The following CRY2 variants were observed in gnomAD, a reference collection of about 807,000 sequenced individuals.
CRY2 encodes the protein cryptochrome circadian regulator 2, also known as cryptochrome-2.
Under a neutral mutation model 69.5 loss-of-function variants are expected in CRY2, and 31 were observed. That is an observed-to-expected ratio of 0.45 (90% CI 0.34 to 0.60). The LOEUF (loss-of-function observed/expected upper bound fraction) is 0.60, where lower values mean the gene tolerates loss of function less well. Ranked by LOEUF, CRY2 falls within the 20% of genes least tolerant of loss-of-function variation. The probability of loss-of-function intolerance (pLI) is 0.02; values close to 1 mark genes in which losing one functional copy is unlikely to be tolerated. For synonymous variants in CRY2, 303 were observed against 312.2 expected (o/e 0.97, Z 0.31); for missense variants, 606 against 797.8 (o/e 0.76, Z 2.90).
intron 10 of CRY2, among the ~76,000 whole-genome samples, chr11:45,871,664 C>A (rs1445415179): frequency 6.6e-6 from 1 of 152,206 alleles, no homozygotes; most frequent in Non-Finnish European, 1.5e-5. Flanking sequence ...AGATGAGTAA[C>A]ATGAGATGGG....
At chr11:45,872,472 G>A (rs2086393626) in intron 11 of CRY2, among the ~76,000 whole-genome samples, 1 of 152,100 alleles carries the variant, frequency 6.6e-6, no homozygotes, top group African/African-American at 2.4e-5. Flanking sequence ...CGGCTATGGT[G>A]GCTCATGTAT....
intron 11 of CRY2, among the ~76,000 whole-genome samples, chr11:45,872,967 T>G (rs2086398335): frequency 6.6e-6 from 1 of 152,202 alleles, no homozygotes; most frequent in African/African-American, 2.4e-5. Flanking sequence ...CAGCCCTGCC[T>G]GAGGACCAGT....
At chr11:45,868,292 G>A (rs541858888) in intron 6 of CRY2, among the ~76,000 whole-genome samples, 2 of 152,272 alleles carry the variant, frequency 1.3e-5, no homozygotes, top group East Asian at 3.9e-4. Context: ...AAGGAGAGAG[G>A]GCAACACAGT....
chr11:45,853,789 G>A (rs1288023405), intron 1 of CRY2, among the ~76,000 whole-genome samples: 1 of 152,216 alleles, frequency 6.6e-6, no homozygotes, highest in Non-Finnish European at 1.5e-5. Flanking sequence ...AGGCTTGGGG[G>A]AGGCCAACAC....
intron 5 of CRY2, among the ~76,000 whole-genome samples, chr11:45,865,264 A>C (rs1401926337): frequency 6.6e-6 from 1 of 152,196 alleles, no homozygotes; most frequent in Non-Finnish European, 1.5e-5. Context: ...TAGGGGTTGC[A>C]TATACTGGGG....
At chr11:45,876,693 C>T (rs996346283) in intron 11 of CRY2, among the ~76,000 whole-genome samples, 1 of 152,244 alleles carries the variant, frequency 6.6e-6, no homozygotes, top group Non-Finnish European at 1.5e-5. Flanking sequence ...GTTAGCTCTG[C>T]AGTAAGCCTG....
intron 11 of CRY2, among the ~76,000 whole-genome samples, chr11:45,878,926 A>G: frequency 7.6e-6 from 1 of 132,184 alleles, no homozygotes; most frequent in South Asian, 2.4e-4. Flanking sequence ...CTATTAAAAA[A>G]AAAAAAAAAA....
chr11:45,856,102 G>T lies in CRY2; in HGVS notation c.324+12G>T. 3 of 1,595,006 alleles carry T rather than the reference G, an allele frequency of 1.9e-6. No homozygotes were observed. Among genetic ancestry groups the T allele is most frequent in the Non-Finnish European group, 2.6e-6 (3 of 1,162,970 alleles). ...CAAGGCTGTTCAAGGTAAGCGTGCA[G>T]AGCCCCAGAGAAGACAGTGAGATTC... On this transcript the variant is annotated intron_variant, in intron 2 of 11. Coordinates refer to ENST00000616080, the MANE Select transcript of CRY2 (RefSeq NM_021117.5).
rs1004133765 is a variant in CRY2, at chr11:45,856,929, C to T, written c.324+839C>T. On this transcript the variant is annotated intron_variant, in intron 2 of 11. Coordinates refer to ENST00000616080, the MANE Select transcript of CRY2 (RefSeq NM_021117.5). Reference sequence around the variant, plus strand: ...AGTAACGGGGCCAGTCCACTTTTCCCTCAATCCCTTTAAAAAGTATATTCT... The same window carrying T: ...AGTAACGGGGCCAGTCCACTTTTCCTTCAATCCCTTTAAAAAGTATATTCT... Among the ~76,000 whole-genome samples, 20 of 152,274 alleles carry T rather than the reference C, an allele frequency of 1.3e-4. 1 individual carries two copies. Among genetic ancestry groups the T allele is most frequent in the Admixed American group, 9.8e-4 (15 of 15,306 alleles).
chr11:45,855,244 CAGAGCCCTGG>C (rs1405168103), intron 1 of CRY2, among the ~76,000 whole-genome samples: 1 of 151,510 alleles, frequency 6.6e-6, no homozygotes, highest in Non-Finnish European at 1.5e-5. Flanking sequence ...ACCTGATCAC[CAGAGCCCTGG>C]AGAGGCCTGG....
Position 45,860,965 on chromosome 11 carries a change from G to A in CRY2, c.585G>A (p.Glu195=). 1 of 1,614,084 alleles carries A rather than the reference G, an allele frequency of 6.2e-7. No homozygotes were observed. Among genetic ancestry groups the A allele is most frequent in the African/African-American group, 1.3e-5 (1 of 75,066 alleles). ...GCTTGGTGACCAGCCAGCAGATGGA[G>A]AGCTGCAGGGCCGAGATCCAGGAGA... ...PVGLVTSQQM[E]SCRAEIQENH... Residue 195 remains glutamate, a synonymous_variant, in exon 4 of 12, where the codon GAG becomes GAA. Coordinates refer to ENST00000616080, the MANE Select transcript of CRY2 (RefSeq NM_021117.5).
rs985238562 is a variant in CRY2, at chr11:45,869,531, T to C, written c.908T>C (p.Leu303Pro). 6.2e-7 allele frequency: 1 copy of C among 1,612,826 alleles called. No homozygotes were observed. Residue 303 changes from leucine to proline, a missense_variant, in exon 7 of 12, where the codon CTC (leucine) becomes CCC (proline). This residue lies in a region of CRY2 where 382 missense variants were observed against 508.9 expected (regional missense o/e 0.75). Transcript: ENST00000616080. ...KKVKRNSTPP[L>P]SLFGQLLWRE... ...GTGAAGCGGAACAGCACACCTCCCC[T>C]CTCCCTATTTGGGCAACTCCTATGG...
chr11:45,869,554 T>C lies in CRY2; in HGVS notation c.931T>C (p.Trp311Arg). ...CCTCTCCCTATTTGGGCAACTCCTA[T>C]GGCGAGAGTTCTTCTACACGGCAGC... is the stretch of plus-strand genomic sequence containing the variant. ...PPLSLFGQLL[W>R]REFFYTAATN... The change falls in exon 7 of 12, where the codon TGG (tryptophan) becomes CGG (arginine). Residue 311 changes from tryptophan to arginine, a missense_variant. Trp to Arg is a moderately radical substitution (Grantham distance 101). Around this residue, in one of 5 missense-constraint regions of CRY2, gnomAD observed 382 missense variants for 508.9 expected, o/e 0.75. Transcript: ENST00000616080. The C allele has an allele frequency of 4.3e-6, 7 of 1,614,210 alleles. No homozygotes were observed. The highest frequency in any genetic ancestry group is 5.9e-6 in the Non-Finnish European group (7 of 1,180,036).
chr11:45,858,184 C>A lies in CRY2; in HGVS notation c.325-547C>A, dbSNP rs1295706824. ...CTGACCTCCAGACTAAGGATCGCTT[C>A]CCCTTTCCTGACTCTCTCAGGGCTG... On this transcript the variant is annotated intron_variant, in intron 2 of 11. Coordinates refer to ENST00000616080, the MANE Select transcript of CRY2 (RefSeq NM_021117.5). The A allele has an allele frequency of 2.0e-5, 3 of 152,476 alleles. No homozygotes were observed. In the East Asian group the frequency reaches 5.8e-4, roughly 29 times the overall value. The allele number at this position is 152,476 out of a possible 1,614,324, so 9.4% of individuals were successfully genotyped here. A position where few individuals can be genotyped will look rare whatever the true frequency, so the allele number is the denominator to read the frequency against.
chr11:45,861,721 C>T (rs534875373), intron 4 of CRY2: 2 of 273,806 alleles, frequency 7.3e-6, no homozygotes, highest in African/African-American at 2.3e-5. Context: ...GGATTACAGA[C>T]GTGAGCCACA....
At chr11:45,847,785 C>A in intron 1 of CRY2, 80 bp downstream of exon 1, 1 of 1,445,672 alleles carries the variant, frequency 6.9e-7, no homozygotes, top group Non-Finnish European at 9.2e-7. Flanking sequence ...CACGATCCCC[C>A]CAACCCCGCC....
At chr11:45,856,965 T>C (rs550933758) in intron 2 of CRY2, among the ~76,000 whole-genome samples, 7 of 152,280 alleles carry the variant, frequency 4.6e-5, no homozygotes, top group African/African-American at 1.4e-4. Context: ...AAGGCCCACA[T>C]AGAAGCACAG....
chr11:45,853,611 T>G (rs191868798), intron 1 of CRY2, among the ~76,000 whole-genome samples: 45 of 152,204 alleles, frequency 3.0e-4, no homozygotes, highest in African/African-American at 1.0e-3. Context: ...CCAAAGCGCA[T>G]GGCAAGGACA....
At chr11:45,880,882 A>C (rs1050643970) in intron 11 of CRY2, 32 bp from the exon 12 acceptor site, 1 of 152,274 alleles carries the variant, frequency 6.6e-6, no homozygotes, top group Admixed American at 6.5e-5. Context: ...AGCCTCCTGA[A>C]TGCTCCTTTT....
Sources: gnomAD v4.1 joint callset for allele counts (sites outside exome capture counted in the v4.1 genomes callset) on GRCh38, gnomAD v4.1.1 for gene constraint, gnomAD v4.1.1 regional missense constraint, MANE v1.5 for transcripts, NCBI Gene and HGNC (gene_info 2026-07-23, HGNC 2026-07-21) for gene names.